Variants in KRT84 observed in about 807,000 individuals in gnomAD.
KRT84 encodes the protein keratin, type II cuticular Hb4.
Under a neutral mutation model 49.0 loss-of-function variants are expected in KRT84, and 38 were observed. The observed-to-expected ratio is 0.78, with a 90% confidence interval of 0.60 to 1.02. The LOEUF is 1.02. Among genes scored for constraint, KRT84 ranks in the 50% least tolerant of loss-of-function variants. The pLI, the probability that KRT84 is intolerant of heterozygous loss-of-function variation, is 0.00. For missense variants in KRT84, 860 were observed against 788.6 expected, an observed-to-expected ratio of 1.09 and a Z score of -1.08; for synonymous variants, 334 against 312.8, an observed-to-expected ratio of 1.07 and a Z score of -0.72.
rs878981619 is a variant in KRT84, at chr12:52,381,163, G to A, written c.1120C>T (p.Leu374=). The A allele has an allele frequency of 2.5e-6, 4 of 1,614,164 alleles. No individual in the cohort carries two copies. The South Asian group carries it at 3.3e-5, about 13-fold the overall frequency. The change falls in exon 6 of 9, where the codon CTG becomes TTG. Residue 374 remains leucine (L), a synonymous_variant. Coordinates refer to ENST00000257951, the MANE Select transcript of KRT84 (RefSeq NM_033045.4). ...TTGATCTCGTTCCGTATGTTGCGCA[G>A]GTTGTCACAGTGTTGGCCAGCTGTC... ...QVTAGQHCDN[L]RNIRNEINEL... is the part of the protein sequence containing the mutation.
intron 4 of KRT84, among the ~76,000 whole-genome samples, chr12:52,381,941 A>G (rs1285345101): frequency 1.3e-5 from 2 of 152,206 alleles, no homozygotes; most frequent in Non-Finnish European, 2.9e-5. Flanking sequence ...AGCCCTTAAT[A>G]GAAGAACTGA....
chr12:52,378,393 A>C lies in KRT84; in HGVS notation c.1457-13T>G, dbSNP rs2121429390. ...GAGCTGCTGACGGCTGCGGAGAAAGAAAGCATCAGGGAGGCTGCCGACACC... is the reference window on the plus strand; with the variant it reads ...GAGCTGCTGACGGCTGCGGAGAAAGCAAGCATCAGGGAGGCTGCCGACACC... On this transcript the variant is annotated splice_polypyrimidine_tract_variant and intron_variant, in intron 8 of 8. Transcript: ENST00000257951. The C allele has an allele frequency of 2.1e-6, 3 of 1,449,738 alleles. No homozygotes were observed. Among genetic ancestry groups the C allele is most frequent in the East Asian group, 2.6e-5 (1 of 37,812 alleles). The allele number at this position is 1,449,738 out of a possible 1,614,324, so 89.8% of individuals were successfully genotyped here.
In KRT84 at chr12:52,377,943, C is replaced by T. The variant is rs532033352; in HGVS notation, c.*91G>A. 5.1e-6 allele frequency: 5 copies of T among 985,752 alleles called. No homozygotes were observed. The highest frequency in any genetic ancestry group is 2.9e-5 in the South Asian group (1 of 34,870). The allele number at this position is 985,752 out of a possible 1,614,324, so 61.1% of individuals were successfully genotyped here. ...CCTGGCAGAAAGGGGAGCTGGAGACCGTCAAGCCCAGAGCCCACGAACCCT... is the reference window on the plus strand; with the variant it reads ...CCTGGCAGAAAGGGGAGCTGGAGACTGTCAAGCCCAGAGCCCACGAACCCT... On this transcript the variant is annotated 3_prime_UTR_variant, in exon 9 of 9. Coordinates refer to ENST00000257951, the MANE Select transcript of KRT84 (RefSeq NM_033045.4).
In KRT84 at chr12:52,380,527, G is replaced by A; in HGVS notation, c.1260C>T (p.Leu420=). 1 of 1,614,040 alleles carries A rather than the reference G, an allele frequency of 6.2e-7. No individual in the cohort carries two copies. Among genetic ancestry groups the A allele is most frequent in the East Asian group, 2.2e-5 (1 of 44,886 alleles). ...AEAEQQGEAT[L]SDAKCKLADL... ...CTGCCAGCTTGCATTTGGCATCACTGAGGGTCGCCTCGCCCTGCTGCTCGG... is the reference window on the plus strand; with the variant it reads ...CTGCCAGCTTGCATTTGGCATCACTAAGGGTCGCCTCGCCCTGCTGCTCGG... The change falls in exon 7 of 9, where the codon CTC becomes CTT. Residue 420 remains leucine (L), a synonymous_variant. Transcript: ENST00000257951.
In KRT84 at chr12:52,380,429, T is replaced by A; in HGVS notation, c.1358A>T (p.Asn453Ile). Residue 453 changes from asparagine (N) to isoleucine (I), a missense_variant, in exon 7 of 9, where the codon AAT becomes ATT. By Grantham distance (149) the Asn-to-Ile change is moderately radical. Coordinates refer to ENST00000257951, the MANE Select transcript of KRT84 (RefSeq NM_033045.4). ...RQLCEYQELMNAKLGLDIEIA... is the reference protein window; with the variant it reads ...RQLCEYQELMIAKLGLDIEIA... ...CTCGATGTCCAGGCCCAGCTTGGCATTCATCAGCTCCTGGTACTCGCACAG... is the reference window on the plus strand; with the variant it reads ...CTCGATGTCCAGGCCCAGCTTGGCAATCATCAGCTCCTGGTACTCGCACAG... The A allele has an allele frequency of 6.2e-7, 1 of 1,614,202 alleles. No individual in the cohort carries two copies. The highest frequency in any genetic ancestry group is 8.5e-7 in the Non-Finnish European group (1 of 1,180,018).
Position 52,380,599 on chromosome 12 carries a change from T to G in KRT84, c.1204-16A>C. 1 of 1,594,700 alleles carries G rather than the reference T, an allele frequency of 6.3e-7. No homozygotes were observed. The highest frequency in any genetic ancestry group is 8.6e-7 in the Non-Finnish European group (1 of 1,169,094). On this transcript the variant is annotated splice_polypyrimidine_tract_variant and intron_variant, in intron 6 of 8. Transcript: ENST00000257951. ...ACTTGGCACGCTGCAGGGAAGGCAG[T>G]TTGCAGGTAGGCTTCGGCAGTGCCA...
At chr12:52,383,116 T>A in intron 2 of KRT84, 51 bp from the exon 3 acceptor site, 1 of 1,478,250 alleles carries the variant, frequency 6.8e-7, no homozygotes, top group East Asian at 2.3e-5. Flanking sequence ...TGAGAGGCAG[T>A]TACTCCCAAC....
chr12:52,385,877 T>A (rs569392548), upstream of KRT84, among the ~76,000 whole-genome samples: 2 of 152,174 alleles, frequency 1.3e-5, no homozygotes, highest in Non-Finnish European at 2.9e-5. Flanking sequence ...CATAAACATA[T>A]AAACATTATA....
chr12:52,380,607 T>C (rs1939466406), intron 6 of KRT84, 24 bp from the exon 7 acceptor site: 1 of 1,581,046 alleles, frequency 6.3e-7, no homozygotes, highest in East Asian at 2.3e-5. Flanking sequence ...AGTTTGCAGG[T>C]AGGCTTCGGC....
chr12:52,384,278 A>G (rs1389708635), intron 1 of KRT84, among the ~76,000 whole-genome samples: 1 of 151,526 alleles, frequency 6.6e-6, no homozygotes, highest in Non-Finnish European at 1.5e-5. Context: ...GAGCTGGAAG[A>G]GAACTTACAG....
intron 8 of KRT84, 102 bp downstream of exon 8, chr12:52,379,774 G>C (rs1939447414): frequency 1.1e-6 from 1 of 934,230 alleles, no homozygotes. Flanking sequence ...GTCGTGGCCA[G>C]ACCGGCCATG....
intron 6 of KRT84, among the ~76,000 whole-genome samples, 175 bp downstream of exon 6, chr12:52,380,905 A>G (rs1285656721): frequency 6.6e-6 from 1 of 151,978 alleles, no homozygotes; most frequent in East Asian, 1.9e-4. Context: ...CTATGTGGGA[A>G]GCTCTCCTTC....
intron 6 of KRT84, among the ~76,000 whole-genome samples, chr12:52,380,813 G>T (rs1939469163): frequency 1.3e-5 from 2 of 152,190 alleles, no homozygotes; most frequent in African/African-American, 4.8e-5. Flanking sequence ...GATTTCAGCT[G>T]CCCCAGAGTC....
Position 52,378,276 on chromosome 12 carries a change from A to T in KRT84, c.1561T>A (p.Cys521Ser), listed in dbSNP as rs1352802240. ...GVTFSGSSSVCATSGVLASCG... is the reference protein window; with the variant it reads ...GVTFSGSSSVSATSGVLASCG... ...GAAGCCAGGACCCCACTGGTGGCAC[A>T]GACGCTGCTGCTACCTGAGAAGGTG... Residue 521 changes from cysteine to serine, a missense_variant, in exon 9 of 9, where the codon TGT (cysteine) becomes AGT (serine). Cys to Ser is a moderately radical substitution (Grantham distance 112). Transcript: ENST00000257951. The T allele has an allele frequency of 9.0e-6, 14 of 1,549,894 alleles. No individual in the cohort carries two copies. The highest frequency in any genetic ancestry group is 1.2e-5 in the Non-Finnish European group (14 of 1,149,080).
chr12:52,383,199 A>G (rs1347840983), intron 2 of KRT84, 134 bp from the exon 3 acceptor site: 4 of 720,916 alleles, frequency 5.5e-6, no homozygotes. Context: ...GAATGCTATA[A>G]CATCATCCCC....
intron 2 of KRT84, 137 bp downstream of exon 2, chr12:52,383,453 A>ACCC: frequency 2.7e-5 from 11 of 406,176 alleles, no homozygotes; most frequent in East Asian, 5.6e-5. Context: ...ATCTCTACCC[A>ACCC]CCCCCACCTC....
Position 52,383,716 on chromosome 12 carries a change from A to C in KRT84, c.629T>G (p.Leu210Arg). 2 of 1,614,076 alleles carry C rather than the reference A, an allele frequency of 1.2e-6. No individual in the cohort carries two copies. The highest frequency in any genetic ancestry group is 1.1e-5 in the South Asian group (1 of 91,076). ...LQEQKCIRSNLEPLFESYITN... is the reference protein window; with the variant it reads ...LQEQKCIRSNREPLFESYITN... ...GATGTAGCTCTCGAAGAGTGGCTCC[A>C]GATTGCTCCTGATACATTTCTGCTC... Residue 210 changes from leucine to arginine, a missense_variant, in exon 2 of 9, where the codon CTG becomes CGG. Leu to Arg is a moderately radical substitution (Grantham distance 102). Coordinates refer to ENST00000257951, the MANE Select transcript of KRT84 (RefSeq NM_033045.4).
chr12:52,378,932 C>A (rs1450683236), intron 8 of KRT84, among the ~76,000 whole-genome samples: 1 of 152,146 alleles, frequency 6.6e-6, no homozygotes, highest in East Asian at 1.9e-4. Context: ...CTCAAATCCA[C>A]AGAAGAGCTT....
intron 1 of KRT84, 121 bp downstream of exon 1, chr12:52,384,919 G>T: frequency 9.3e-7 from 1 of 1,076,260 alleles, no homozygotes; most frequent in Non-Finnish European, 1.4e-6. Context: ...GTAGGCACTT[G>T]AAAGATCTGA....
Sources: gnomAD v4.1 joint callset for allele counts (sites outside exome capture counted in the v4.1 genomes callset) on GRCh38, gnomAD v4.1.1 for gene constraint, MANE v1.5 for transcripts, NCBI Gene and HGNC (gene_info 2026-07-23, HGNC 2026-07-21) for gene names.